The following OSBPL9 variants were observed in gnomAD, a reference collection of about 807,000 sequenced individuals.
The protein encoded by OSBPL9 is oxysterol binding protein like 9.
A neutral mutation model predicts 106.6 loss-of-function variants in OSBPL9; 40 were observed. The observed-to-expected ratio is 0.38, with a 90% CI of 0.29 to 0.49. The LOEUF (loss-of-function observed/expected upper bound fraction) is 0.49. Ranked by LOEUF, OSBPL9 falls within the 20% of genes least tolerant of loss-of-function variation. OSBPL9 has a pLI of 0.97. For missense variants in OSBPL9, 609 were observed against 887.2 expected (o/e 0.69, Z 3.98); for synonymous variants, 269 against 295.4 (o/e 0.91, Z 0.92).
the OSBPL9 span, among the ~76,000 whole-genome samples, chr1:51,569,065 T>A: frequency 6.6e-6 from 1 of 152,072 alleles, no homozygotes; most frequent in Admixed American, 6.5e-5. Context: ...ACTCTCACTA[T>A]CCAAAACACA....
At chr1:51,621,273 G>A (rs1358403039) in intron 1 of OSBPL9, among the ~76,000 whole-genome samples, 2 of 151,956 alleles carry the variant, frequency 1.3e-5, no homozygotes, top group African/African-American at 4.8e-5. Context: ...AGGCCGAGGC[G>A]GGGAGATCAC....
chr1:51,727,250 A>C (rs912095172), intron 4 of OSBPL9, among the ~76,000 whole-genome samples: 1 of 151,938 alleles, frequency 6.6e-6, no homozygotes, highest in African/African-American at 2.4e-5. Context: ...AATTTAAAAG[A>C]GTATTAGTGA....
intron 14 of OSBPL9, among the ~76,000 whole-genome samples, chr1:51,774,893 G>A (rs536975022): frequency 4.6e-5 from 7 of 152,210 alleles, no homozygotes; most frequent in South Asian, 2.1e-4. Flanking sequence ...TTTAAATTAC[G>A]TGTGAAATTA....
intron 2 of OSBPL9, among the ~76,000 whole-genome samples, chr1:51,603,116 C>G (rs1480504646): frequency 6.6e-6 from 1 of 152,176 alleles, no homozygotes; most frequent in Non-Finnish European, 1.5e-5. Context: ...GATCGTGCCA[C>G]TGTACTCCAG....
intron 4 of OSBPL9, among the ~76,000 whole-genome samples, chr1:51,731,794 C>T (rs1354894664): frequency 7.0e-6 from 1 of 143,620 alleles, no homozygotes; most frequent in Non-Finnish European, 1.5e-5. Flanking sequence ...AAAAAAAAAA[C>T]TCTTAAAGAA....
chr1:51,711,421 C>T (rs1416085129), intron 3 of OSBPL9, among the ~76,000 whole-genome samples: 5 of 143,522 alleles, frequency 3.5e-5, no homozygotes, highest in African/African-American at 7.8e-5. Context: ...CGGGTAGAGG[C>T]GCCCCTCACC....
chr1:51,761,583 C>G (rs1421963815), intron 10 of OSBPL9, among the ~76,000 whole-genome samples: 1 of 152,096 alleles, frequency 6.6e-6, no homozygotes, highest in Non-Finnish European at 1.5e-5. Context: ...AACACATTAT[C>G]ATCAGAAGCA....
At chr1:51,624,748 C>G (rs1480306085) in intron 1 of OSBPL9, among the ~76,000 whole-genome samples, 1 of 152,124 alleles carries the variant, frequency 6.6e-6, no homozygotes, top group Non-Finnish European at 1.5e-5. Flanking sequence ...TGATTTTTCC[C>G]TTTTCTAAAA....
chr1:51,734,433 A>C (rs1296248537), intron 4 of OSBPL9, among the ~76,000 whole-genome samples: 1 of 152,238 alleles, frequency 6.6e-6, no homozygotes, highest in Non-Finnish European at 1.5e-5. Flanking sequence ...ATATTTTGTC[A>C]TACCGTGGAG....
the OSBPL9 span, among the ~76,000 whole-genome samples, chr1:51,545,918 G>C: frequency 6.6e-6 from 1 of 152,044 alleles, no homozygotes; most frequent in Non-Finnish European, 1.5e-5. Flanking sequence ...ACTCTAGGAG[G>C]GTTAAAAACA....
intron 12 of OSBPL9, among the ~76,000 whole-genome samples, chr1:51,766,866 C>T (rs1256073525): frequency 1.3e-5 from 2 of 149,784 alleles, no homozygotes; most frequent in African/African-American, 2.5e-5. Flanking sequence ...GTCAGGAGTT[C>T]GAGACCAGCC....
At chr1:51,662,829 C>G (rs139884415) in intron 2 of OSBPL9, among the ~76,000 whole-genome samples, 2,903 of 149,786 alleles carry the variant, frequency 0.019, 92 homozygotes, top group East Asian at 0.11. Flanking sequence ...ACTGTAAGCT[C>G]CACCTCCCAG....
intron 3 of OSBPL9, chr1:51,709,920 ATTATG>A (rs1659458475): frequency 6.6e-6 from 1 of 152,328 alleles, no homozygotes; most frequent in South Asian, 2.1e-4. Flanking sequence ...CTGGGCCTGT[ATTATG>A]AGCTGAAGAA....
intron 2 of OSBPL9, among the ~76,000 whole-genome samples, chr1:51,610,016 G>C (rs1055244885): frequency 6.6e-6 from 1 of 151,904 alleles, no homozygotes; most frequent in African/African-American, 2.4e-5. Context: ...CAAAGTGCTG[G>C]GATTACAGGT....
the OSBPL9 span, among the ~76,000 whole-genome samples, chr1:51,555,508 A>G: frequency 5.1e-3 from 781 of 152,118 alleles, 7 homozygotes; most frequent in African/African-American, 0.017. Flanking sequence ...AAACTAAAAG[A>G]CCATAGTAAA....
intron 1 of OSBPL9, among the ~76,000 whole-genome samples, chr1:51,621,505 CAAAA>C (rs201132605): frequency 2.8e-5 from 2 of 71,514 alleles, no homozygotes; most frequent in Non-Finnish European, 6.3e-5. Flanking sequence ...GACTCCGTCT[CAAAA>C]AAAAAAAAAA....
chr1:51,602,991 G>C (rs1393589168), intron 2 of OSBPL9, among the ~76,000 whole-genome samples: 4 of 151,976 alleles, frequency 2.6e-5, no homozygotes, highest in Non-Finnish European at 5.9e-5. Flanking sequence ...CCCTTTCTTG[G>C]CAAAAAATAC....
the OSBPL9 span, among the ~76,000 whole-genome samples, chr1:51,560,515 C>T: frequency 6.6e-6 from 1 of 152,230 alleles, no homozygotes; most frequent in Admixed American, 6.5e-5. Context: ...CCCTTCCTCT[C>T]CAGGGGAATT....
chr1:51,667,862 A>G (rs1475521519), intron 2 of OSBPL9, among the ~76,000 whole-genome samples: 2 of 152,210 alleles, frequency 1.3e-5, no homozygotes, highest in African/African-American at 4.8e-5. Flanking sequence ...TGGGCAAGTC[A>G]TTATACTCTC....
Sources: allele counts gnomAD v4.1 joint callset (sites outside exome capture counted in the v4.1 genomes callset), GRCh38; gene constraint gnomAD v4.1.1; transcripts MANE v1.5; gene names NCBI Gene and HGNC (gene_info 2026-07-23, HGNC 2026-07-21).